Variants in SLC25A13 observed in about 807,000 individuals in gnomAD.
SLC25A13 encodes solute carrier family 25 member 13.
In SLC25A13, 70 loss-of-function variants were observed where a neutral mutation model predicts 85.5. That is an observed-to-expected ratio of 0.82 (90% confidence interval 0.68 to 1.00). The LOEUF is 1.00. Among genes scored for constraint, SLC25A13 ranks in the 50% least tolerant of loss-of-function variants. The pLI, the probability that SLC25A13 is intolerant of heterozygous loss-of-function variation, is 0.00. For missense variants in SLC25A13, 765 were observed against 819.8 expected (o/e 0.93, Z 0.82); for synonymous variants, 259 against 288.7 (o/e 0.90, Z 1.04).
chr7:96,180,802 A>C (rs1199425407), intron 11 of SLC25A13, among the ~76,000 whole-genome samples: 1 of 152,226 alleles, frequency 6.6e-6, no homozygotes, highest in Non-Finnish European at 1.5e-5. Flanking sequence ...ATGATTACCC[A>C]ATCAATTGTT....
In SLC25A13 at chr7:96,165,132, C is replaced by T. The variant is rs376644107; in HGVS notation, c.1311+4913G>A. 3.3e-5 allele frequency among the ~76,000 whole-genome samples: 5 copies of T among 152,252 alleles called. No individual in the cohort carries two copies. In the East Asian group the frequency reaches 7.7e-4, roughly 24 times the overall value. On this transcript the variant is annotated intron_variant, in intron 13 of 17. Transcript: ENST00000265631. ...ACATCAATGAATAAGAAGATCCCTGCTTTTGCAGAACTTGTACTCTACCAT... is the reference window on the plus strand; with the variant it reads ...ACATCAATGAATAAGAAGATCCCTGTTTTTGCAGAACTTGTACTCTACCAT...
Position 96,208,896 on chromosome 7 carries a change from T to C in SLC25A13, c.410A>G (p.His137Arg). The C allele has an allele frequency of 6.2e-7, 1 of 1,614,132 alleles. No individual in the cohort carries two copies. Among genetic ancestry groups the C allele is most frequent in the Non-Finnish European group, 8.5e-7 (1 of 1,180,004 alleles). The change falls in exon 5 of 18, where the codon CAT (histidine) becomes CGT (arginine). Residue 137 changes from histidine to arginine, a missense_variant. His to Arg is a conservative substitution (Grantham distance 29, BLOSUM62 0). Coordinates refer to ENST00000265631, the MANE Select transcript of SLC25A13 (RefSeq NM_014251.3). ...FNWDSEFVQL[H>R]FGKERKRHLT... ...GTGTCTTTTTCTTTCTTTTCCAAAA[T>C]GTAGTTGCACAAATTCTGAATCCCA... is the stretch of plus-strand genomic sequence containing the variant.
At chr7:96,320,909 G>A (rs912182433) in intron 1 of SLC25A13, among the ~76,000 whole-genome samples, 17 of 152,290 alleles carry the variant, frequency 1.1e-4, no homozygotes, top group African/African-American at 4.1e-4. Flanking sequence ...TCCTCTTGAG[G>A]GTTATCACAG....
intron 15 of SLC25A13, among the ~76,000 whole-genome samples, chr7:96,122,288 A>G (rs1791546127): frequency 6.6e-6 from 1 of 152,218 alleles, no homozygotes; most frequent in Non-Finnish European, 1.5e-5. Flanking sequence ...GTTTATCAAT[A>G]ACACTACTTC....
intron 4 of SLC25A13, among the ~76,000 whole-genome samples, chr7:96,220,550 A>G (rs1796080841): frequency 6.6e-6 from 1 of 152,148 alleles, no homozygotes; most frequent in African/African-American, 2.4e-5. Context: ...ATTACAGCAA[A>G]TTTTCCAATT....
At chr7:96,153,566 C>A (rs1049003722) in intron 13 of SLC25A13, among the ~76,000 whole-genome samples, 1 of 152,224 alleles carries the variant, frequency 6.6e-6, no homozygotes, top group Non-Finnish European at 1.5e-5. Context: ...GGACCCAGAG[C>A]TGCAGGCAGC....
intron 3 of SLC25A13, 133 bp from the exon 4 acceptor site, chr7:96,235,050 C>T (rs1796695117): frequency 1.6e-6 from 1 of 641,046 alleles, no homozygotes; most frequent in African/African-American, 1.8e-5. Context: ...CATTTATAAA[C>T]ATTTAGCATT....
intron 1 of SLC25A13, among the ~76,000 whole-genome samples, chr7:96,310,560 T>A (rs1455458059): frequency 1.3e-5 from 2 of 152,206 alleles, no homozygotes; most frequent in African/African-American, 4.8e-5. Context: ...AGCAAGTAAT[T>A]TACTAGGAGA....
chr7:96,302,045 T>C (rs1799565839), intron 1 of SLC25A13, among the ~76,000 whole-genome samples: 1 of 152,242 alleles, frequency 6.6e-6, no homozygotes, highest in Admixed American at 6.5e-5. Context: ...AATGAGTCTA[T>C]GCTCCACAGG....
chr7:96,164,490 T>C (rs752962672), intron 13 of SLC25A13, among the ~76,000 whole-genome samples: 4 of 152,194 alleles, frequency 2.6e-5, no homozygotes, highest in Admixed American at 6.5e-5. Flanking sequence ...CAGCAATAGA[T>C]AACTGAAAGA....
intron 1 of SLC25A13, 42 bp downstream of exon 1, chr7:96,321,900 A>G: frequency 6.6e-7 from 1 of 1,523,212 alleles, no homozygotes. Context: ...CCCCAGGCTG[A>G]TCCGGCAGGC....
chr7:96,168,022 C>A (rs1793828629), intron 13 of SLC25A13, among the ~76,000 whole-genome samples: 1 of 144,148 alleles, frequency 6.9e-6, no homozygotes, highest in Non-Finnish European at 1.5e-5. Context: ...ATCGCTTGAA[C>A]CCGGGAGGTG....
chr7:96,297,609 C>T (rs770637764), intron 1 of SLC25A13, among the ~76,000 whole-genome samples: 1 of 152,158 alleles, frequency 6.6e-6, no homozygotes, highest in Non-Finnish European at 1.5e-5. Context: ...GCTAAGATTA[C>T]AGGCGTGAGC....
At chr7:96,304,295 A>G (rs1799659635) in intron 1 of SLC25A13, among the ~76,000 whole-genome samples, 2 of 152,206 alleles carry the variant, frequency 1.3e-5, no homozygotes, top group African/African-American at 4.8e-5. Flanking sequence ...TGACTTATAA[A>G]GTATCAGACA....
At chr7:96,295,803 T>C (rs1799321898) in intron 2 of SLC25A13, among the ~76,000 whole-genome samples, 1 of 151,712 alleles carries the variant, frequency 6.6e-6, no homozygotes, top group African/African-American at 2.4e-5. Flanking sequence ...CAGCTGCCTT[T>C]TCATAATGTT....
intron 3 of SLC25A13, among the ~76,000 whole-genome samples, chr7:96,247,680 T>C (rs191286338): frequency 6.6e-5 from 10 of 152,288 alleles, no homozygotes; most frequent in East Asian, 5.8e-4. Flanking sequence ...ATGGGATCCA[T>C]TGTGCATTAT....
In SLC25A13 at chr7:96,322,081, T is replaced by C. The variant is rs1040266281; in HGVS notation, c.-125A>G. ...GGGGCGGCGATACGGCCAGGCAGCG[T>C]GCGTTCCTGGCCTGCCTCCCCACGC... is the stretch of plus-strand genomic sequence containing the variant. On this transcript the variant is annotated 5_prime_UTR_variant, in exon 1 of 18. Coordinates refer to ENST00000265631, the MANE Select transcript of SLC25A13 (RefSeq NM_014251.3). 7.5e-7 allele frequency: 1 copy of C among 1,333,290 alleles called. No homozygotes were observed. The highest frequency in any genetic ancestry group is 1.0e-6 in the Non-Finnish European group (1 of 969,384). The allele number at this position is 1,333,290 out of a possible 1,614,324, so 82.6% of individuals were successfully genotyped here. A position where few individuals can be genotyped will look rare whatever the true frequency, so the allele number is the denominator to read the frequency against.
chr7:96,189,606 A>G lies in SLC25A13; in HGVS notation c.823T>C (p.Leu275=), dbSNP rs200220428. 6.2e-7 allele frequency: 1 copy of G among 1,613,724 alleles called. No homozygotes were observed. The highest frequency in any genetic ancestry group is 8.5e-7 in the Non-Finnish European group (1 of 1,179,992). The change falls in exon 8 of 18, where the codon TTA becomes CTA. Residue 275 remains leucine (L), a synonymous_variant. Coordinates refer to ENST00000265631, the MANE Select transcript of SLC25A13 (RefSeq NM_014251.3). ...CCCCTTGGCTCATATAAATCTGCTA[A>G]CTGAAACAAGATGTCAACTTCCATG... The part of the protein sequence containing the change: ...TPMEVDILFQ[L]ADLYEPRGRM...
chr7:96,128,834 C>T (rs1323874761), intron 15 of SLC25A13, among the ~76,000 whole-genome samples: 4 of 151,100 alleles, frequency 2.6e-5, no homozygotes, highest in Admixed American at 6.6e-5. Flanking sequence ...GCAGCCAGTT[C>T]CCAAAATGGC....
Sources: gnomAD v4.1 joint callset for allele counts (sites outside exome capture counted in the v4.1 genomes callset) on GRCh38, gnomAD v4.1.1 for gene constraint, MANE v1.5 for transcripts, NCBI Gene and HGNC (gene_info 2026-07-23, HGNC 2026-07-21) for gene names.